The following SNURF variants were observed in gnomAD, a reference collection of about 807,000 sequenced individuals.
The protein encoded by SNURF is SNRPN upstream open reading frame.
In SNURF, 6 loss-of-function variants were observed where a neutral mutation model predicts 11.6. That is an observed-to-expected ratio of 0.52 (90% CI 0.28 to 1.02). SNURF has a LOEUF of 1.02. SNURF is among the 50% of genes least tolerant of loss of function. SNURF has a pLI of 0.09. For synonymous variants in SNURF, 29 were observed against 31.6 expected (o/e 0.92, Z 0.27); for missense variants, 84 against 88.4 (o/e 0.95, Z 0.20).
At chr15:24,974,722 C>T (rs892413694) in intron 3 of SNURF, 13 of 606,962 alleles carry the variant, frequency 2.1e-5, no homozygotes, top group African/African-American at 9.3e-5. Context: ...AAGAGATTCT[C>T]GTGCCTCAGC....
intron 2 of SNURF, 95 bp downstream of exon 2, chr15:24,962,304 AT>A (rs2153484251): frequency 2.0e-6 from 2 of 986,986 alleles, no homozygotes; most frequent in East Asian, 2.5e-5. Context: ...AATGAACATA[AT>A]TGAAGAAGCA....
chr15:24,971,374 A>G (rs1269228848), downstream of SNURF, among the ~76,000 whole-genome samples: 1 of 152,168 alleles, frequency 6.6e-6, no homozygotes, highest in African/African-American at 2.4e-5. Context: ...TCTTTCACTT[A>G]CAAGGTCATG....
chr15:24,955,014 C>T (rs563550744), exon 1 of SNURF: 8 of 1,612,276 alleles, frequency 5.0e-6, no homozygotes, highest in Admixed American at 1.7e-5. Context: ...CCGGAGATGC[C>T]TGACGCATCT....
rs1302511592 is a variant in SNURF, at chr15:24,977,206, T to C, written c.*462+177T>C. Among the ~76,000 whole-genome samples the C allele has an allele frequency of 3.9e-5, 6 of 152,222 alleles. No individual in the cohort carries two copies. In the South Asian group the frequency reaches 1.2e-3, roughly 31 times the overall value. On this transcript the variant is annotated intron_variant and NMD_transcript_variant, in intron 6 of 6. Coordinates refer to the SNURF transcript ENST00000580062. ...TAAAACTAGCTGCTTAAAATGGTCATTGGGTGATTAAAGTTACCCAGGTTA... is the reference window on the plus strand; with the variant it reads ...TAAAACTAGCTGCTTAAAATGGTCACTGGGTGATTAAAGTTACCCAGGTTA...
At chr15:24,976,204 T>C in intron 4 of SNURF, 1 of 881,672 alleles carries the variant, frequency 1.1e-6, no homozygotes, top group Non-Finnish European at 1.9e-6. Context: ...AGTAAATGTT[T>C]AGCATCAGTT....
chr15:24,971,424 T>C (rs1326906285), downstream of SNURF, among the ~76,000 whole-genome samples: 1 of 152,220 alleles, frequency 6.6e-6, no homozygotes, highest in African/African-American at 2.4e-5. Context: ...GAGAACTGTT[T>C]CTAAATTCCA....
In SNURF at chr15:24,955,645, G is replaced by GA. The variant is rs1444126306; in HGVS notation, c.14+583_14+584insA. 4.1e-3 allele frequency among the ~76,000 whole-genome samples: 608 copies of GA among 148,366 alleles called. 4 individuals are homozygous for GA. The highest frequency in any genetic ancestry group is 0.014 in the African/African-American group (572 of 39,944). On this transcript the variant is annotated intron_variant, in intron 1 of 2. Coordinates refer to ENST00000577949, the Ensembl canonical transcript of SNURF. ...GCAGTGACCGAGGCGAGGAGGCTATGGCAGTGGACCAGGGGGATGAGTCGG... is the reference window on the plus strand; with the variant it reads ...GCAGTGACCGAGGCGAGGAGGCTATGAGCAGTGGACCAGGGGGATGAGTCGG...
chr15:24,977,747 G>A lies in SNURF; in HGVS notation c.*463-31G>A, dbSNP rs773650451. On this transcript the variant is annotated intron_variant and NMD_transcript_variant, in intron 6 of 6. Transcript: ENST00000580062. ...TTTGAATAATGTGAAGGTTTGCATCGCTTTGACTGTTTCCCGCCCTGCCTT... is the reference window on the plus strand; with the variant it reads ...TTTGAATAATGTGAAGGTTTGCATCACTTTGACTGTTTCCCGCCCTGCCTT... 31 of 1,556,030 alleles carry A rather than the reference G, an allele frequency of 2.0e-5. 1 individual carries two copies. Among genetic ancestry groups the A allele is most frequent in the South Asian group, 4.8e-5 (4 of 82,926 alleles).
At chr15:24,971,144 A>G (rs531524536), downstream of SNURF, among the ~76,000 whole-genome samples, 195 of 152,252 alleles carry the variant, frequency 1.3e-3, 1 homozygote, top group Non-Finnish European at 2.1e-3. Context: ...TAGTTTAATC[A>G]TTTGAAAGTC....
intron 1 of SNURF, among the ~76,000 whole-genome samples, chr15:24,956,861 T>C (rs544594068): frequency 6.6e-6 from 1 of 152,316 alleles, no homozygotes; most frequent in African/African-American, 2.4e-5. Flanking sequence ...ACTGGGCTAC[T>C]GCTTTTCAGC....
At chr15:24,956,355 G>C (rs958229212) in intron 1 of SNURF, among the ~76,000 whole-genome samples, 1 of 66,050 alleles carries the variant, frequency 1.5e-5, no homozygotes, top group African/African-American at 5.6e-5. Flanking sequence ...GCGCTTCAGC[G>C]GGGGGGTGGC....
exon 4 of SNURF, chr15:24,975,462 G>A: frequency 6.8e-6 from 11 of 1,613,922 alleles, no homozygotes; most frequent in South Asian, 1.1e-5. Context: ...CTTTTGACAA[G>A]CATATGAATT....
intron 2 of SNURF, chr15:24,966,923 T>C (rs1015480404): frequency 2.6e-5 from 4 of 152,222 alleles, no homozygotes; most frequent in African/African-American, 4.8e-5. Flanking sequence ...TACTGATTCA[T>C]AGGGGTATGT....
chr15:24,957,464 TAATG>T (rs1418079046), intron 1 of SNURF, among the ~76,000 whole-genome samples: 5 of 152,248 alleles, frequency 3.3e-5, no homozygotes, highest in Non-Finnish European at 7.3e-5. Context: ...TGAGAAAGGT[TAATG>T]AATAACTGCA....
chr15:24,964,325 A>C (rs1451595726), intron 2 of SNURF, among the ~76,000 whole-genome samples: 1 of 151,730 alleles, frequency 6.6e-6, no homozygotes. Flanking sequence ...TCATCTCTTC[A>C]TTCTTTTTGA....
intron 1 of SNURF, among the ~76,000 whole-genome samples, chr15:24,956,342 C>T (rs1366797321): frequency 7.2e-6 from 1 of 139,048 alleles, no homozygotes; most frequent in Admixed American, 7.7e-5. Context: ...TAGATCTGCG[C>T]AAGCGCTTCA....
chr15:24,973,417 T>C (rs564007070), downstream of SNURF, among the ~76,000 whole-genome samples: 2 of 151,950 alleles, frequency 1.3e-5, no homozygotes, highest in African/African-American at 4.8e-5. Context: ...GATGAAGTTT[T>C]GCTCTTGTCC....
chr15:24,969,780 C>G (rs1245582655), downstream of SNURF, among the ~76,000 whole-genome samples: 1 of 152,168 alleles, frequency 6.6e-6, no homozygotes. Context: ...GTACCCATTA[C>G]TAGTATTCCT....
At chr15:24,960,382 C>T (rs2074573304) in intron 1 of SNURF, among the ~76,000 whole-genome samples, 1 of 152,012 alleles carries the variant, frequency 6.6e-6, no homozygotes, top group African/African-American at 2.4e-5. Context: ...CTCTGTCACC[C>T]AGGCTGGTGT....
Sources: allele counts gnomAD v4.1 joint callset (sites outside exome capture counted in the v4.1 genomes callset), GRCh38; gene constraint gnomAD v4.1.1; transcripts MANE v1.5; gene names NCBI Gene and HGNC (gene_info 2026-07-23, HGNC 2026-07-21).